Variants in PSD3 observed in about 807,000 individuals in gnomAD.
The protein encoded by PSD3 is pleckstrin and Sec7 domain containing 3.
Under a neutral mutation model 105.5 loss-of-function variants are expected in PSD3, and 49 were observed. The observed-to-expected ratio is 0.46, with a 90% CI of 0.37 to 0.59. The LOEUF (loss-of-function observed/expected upper bound fraction) is 0.59, where lower values mean the gene tolerates loss of function less well. Among genes scored for constraint, PSD3 ranks in the 20% least tolerant of loss-of-function variants. The pLI, the probability that PSD3 is intolerant of heterozygous loss-of-function variation, is 0.00. For missense variants in PSD3, 1,561 were observed against 1,263.8 expected (o/e 1.24, Z -3.57); for synonymous variants, 557 against 457.8 (o/e 1.22, Z -2.77).
rs1311840903 is a variant in PSD3 at position 18,556,198 on chromosome 8, G to T, written c.2928+11C>A. On this transcript the variant is annotated intron_variant, in intron 15 of 15. Transcript: ENST00000327040. ...GAAATCAGCATTTACTAACATTTGG[G>T]TGCAACACACCTCAAACTCCAGATA... 6 of 1,612,762 alleles carry T rather than the reference G, an allele frequency of 3.7e-6. No individual in the cohort carries two copies. Among genetic ancestry groups the T allele is most frequent in the Non-Finnish European group, 5.1e-6 (6 of 1,179,450 alleles).
exon 1 of PSD3, chr8:19,084,500 C>A (rs1226334083): frequency 6.9e-6 from 3 of 437,316 alleles, no homozygotes; most frequent in African/African-American, 6.0e-5. Flanking sequence ...GCTTCCAGCC[C>A]ATGGAGGGAC....
chr8:18,673,216 A>C (rs1347605645), intron 9 of PSD3, among the ~76,000 whole-genome samples: 1 of 151,858 alleles, frequency 6.6e-6, no homozygotes. Context: ...ACACACACAC[A>C]CACCCACACA....
intron 9 of PSD3, among the ~76,000 whole-genome samples, chr8:18,724,532 G>A (rs2129428414): frequency 6.6e-6 from 1 of 152,088 alleles, no homozygotes; most frequent in African/African-American, 2.4e-5. Flanking sequence ...AGGATCACTT[G>A]AGCCCAGAGT....
chr8:19,006,170 G>C (rs1321455550), intron 1 of PSD3, among the ~76,000 whole-genome samples: 2 of 151,442 alleles, frequency 1.3e-5, no homozygotes, highest in African/African-American at 4.8e-5. Flanking sequence ...GCACGTGCCT[G>C]TAATCTCAGC....
chr8:18,943,560 G>A (rs1822686784), intron 1 of PSD3, among the ~76,000 whole-genome samples: 1 of 152,066 alleles, frequency 6.6e-6, no homozygotes, highest in Non-Finnish European at 1.5e-5. Context: ...AAAGGACAAG[G>A]GAATGAGGGA....
At chr8:18,727,982 A>T (rs1375555875) in intron 9 of PSD3, among the ~76,000 whole-genome samples, 1 of 152,070 alleles carries the variant, frequency 6.6e-6, no homozygotes, top group Non-Finnish European at 1.5e-5. Context: ...TTTCACTGTT[A>T]TATCTTCACC....
intron 10 of PSD3, among the ~76,000 whole-genome samples, chr8:18,652,739 C>G (rs1008455038): frequency 6.6e-6 from 1 of 152,018 alleles, no homozygotes; most frequent in African/African-American, 2.4e-5. Context: ...CTCAAGTGAT[C>G]CAGGCTCCTC....
At chr8:18,813,215 G>A (rs1279737308) in intron 4 of PSD3, among the ~76,000 whole-genome samples, 1 of 152,194 alleles carries the variant, frequency 6.6e-6, no homozygotes, top group African/African-American at 2.4e-5. Context: ...CTGGTGGAAG[G>A]TGATGCCACC....
At chr8:19,055,366 G>C (rs559297561) in intron 1 of PSD3, among the ~76,000 whole-genome samples, 1 of 151,708 alleles carries the variant, frequency 6.6e-6, no homozygotes, top group African/African-American at 2.4e-5. Context: ...TGATTGTCCT[G>C]CCTCAGCCTC....
At chr8:18,923,664 G>C (rs1821175082) in intron 2 of PSD3, among the ~76,000 whole-genome samples, 1 of 152,130 alleles carries the variant, frequency 6.6e-6, no homozygotes, top group African/African-American at 2.4e-5. Flanking sequence ...GTGTGCAGTA[G>C]GTATACTATC....
Position 19,013,630 on chromosome 8 carries a change from C to A in PSD3, c.-47G>T. ...CGCGCCGAAACCGCCGCCGGGCGCT[C>A]CGGGGCCGCAGCCTCAGGGCGCGAG... On this transcript the variant is annotated 5_prime_UTR_variant, in exon 1 of 16. Coordinates refer to ENST00000327040, the MANE Select transcript of PSD3 (RefSeq NM_015310.4). 2 of 1,338,034 alleles carry A rather than the reference C, an allele frequency of 1.5e-6. No individual in the cohort carries two copies. The highest frequency in any genetic ancestry group is 3.7e-5 in the South Asian group (2 of 53,430). 82.9% of individuals were successfully genotyped at this position (1,338,034 alleles called of 1,614,324 possible). A position where few individuals can be genotyped will look rare whatever the true frequency, so the allele number is the denominator to read the frequency against.
At chr8:19,019,303 G>T (rs1006584244) in intron 1 of PSD3, among the ~76,000 whole-genome samples, 2 of 151,930 alleles carry the variant, frequency 1.3e-5, no homozygotes, top group African/African-American at 4.8e-5. Flanking sequence ...GTGAGTCATT[G>T]CACGTCAAAA....
intron 9 of PSD3, among the ~76,000 whole-genome samples, chr8:18,666,799 G>T (rs1799493953): frequency 6.6e-6 from 1 of 152,006 alleles, no homozygotes; most frequent in Non-Finnish European, 1.5e-5. Flanking sequence ...AACAGAGAGA[G>T]CAATGTAAAC....
chr8:18,959,484 A>C (rs1324015266), intron 1 of PSD3, among the ~76,000 whole-genome samples: 1 of 152,066 alleles, frequency 6.6e-6, no homozygotes, highest in African/African-American at 2.4e-5. Flanking sequence ...CTAGCTCTGC[A>C]CATCTGACTC....
intron 9 of PSD3, among the ~76,000 whole-genome samples, chr8:18,702,689 T>G (rs1415836586): frequency 6.6e-6 from 1 of 151,426 alleles, no homozygotes; most frequent in Non-Finnish European, 1.5e-5. Flanking sequence ...CTCGGTTCCC[T>G]GCAAGCTCCG....
chr8:18,575,862 T>C (rs1430683039), intron 12 of PSD3, among the ~76,000 whole-genome samples: 1 of 151,808 alleles, frequency 6.6e-6, no homozygotes, highest in African/African-American at 2.4e-5. Flanking sequence ...AAATCAATAA[T>C]CAGGTGAAAG....
chr8:18,561,490 G>A (rs780530361), intron 14 of PSD3, among the ~76,000 whole-genome samples: 1 of 152,034 alleles, frequency 6.6e-6, no homozygotes, highest in Admixed American at 6.6e-5. Context: ...GGGACATGCT[G>A]GTCAAAGGAT....
intron 4 of PSD3, among the ~76,000 whole-genome samples, chr8:18,827,328 C>G (rs1813276456): frequency 6.6e-6 from 1 of 152,074 alleles, no homozygotes; most frequent in South Asian, 2.1e-4. Context: ...TTTCCCAGCA[C>G]CAGGGATAGG....
At chr8:19,074,611 A>ATATATATATT (rs1324257417) in intron 1 of PSD3, among the ~76,000 whole-genome samples, 12 of 24,212 alleles carry the variant, frequency 5.0e-4, no homozygotes, top group African/African-American at 1.1e-3. Flanking sequence ...ATATATATAT[A>ATATATATATT]TTTTTTTTTT....
Sources: allele counts gnomAD v4.1 joint callset (sites outside exome capture counted in the v4.1 genomes callset), GRCh38; gene constraint gnomAD v4.1.1; transcripts MANE v1.5; gene names NCBI Gene and HGNC (gene_info 2026-07-23, HGNC 2026-07-21).